TNR: variants seen among roughly 807,000 people sequenced by gnomAD.
TNR encodes the protein tenascin R.
TNR carries 45 observed loss-of-function variants against 150.4 expected under a neutral mutation model. The ratio of observed to expected loss-of-function variants is 0.30; its 90% confidence interval spans 0.24 to 0.38. The LOEUF is 0.38. TNR is among the 10% of genes least tolerant of loss of function. The pLI is 1.00. For synonymous variants in TNR, 687 were observed against 678.4 expected, an observed-to-expected ratio of 1.01 and a Z score of -0.20; for missense variants, 1,544 against 1,759.1, an observed-to-expected ratio of 0.88 and a Z score of 2.19.
At chr1:175,683,667 C>T (rs1273062473) in intron 1 of TNR, among the ~76,000 whole-genome samples, 1 of 151,984 alleles carries the variant, frequency 6.6e-6, no homozygotes, top group Non-Finnish European at 1.5e-5. Context: ...CACCTCAGCT[C>T]AAACACCTGC....
chr1:175,412,068 T>C (rs1456965457), intron 2 of TNR, among the ~76,000 whole-genome samples: 2 of 152,140 alleles, frequency 1.3e-5, no homozygotes, highest in African/African-American at 4.8e-5. Flanking sequence ...TATGGTGATT[T>C]TCCTGTGATG....
At chr1:175,415,391 T>C (rs1283712845) in intron 2 of TNR, among the ~76,000 whole-genome samples, 3 of 152,098 alleles carry the variant, frequency 2.0e-5, no homozygotes, top group African/African-American at 7.2e-5. Context: ...GGCAGAAAAC[T>C]CCCAGCAGAC....
intron 9 of TNR, among the ~76,000 whole-genome samples, chr1:175,370,564 T>G (rs1345228820): frequency 6.6e-6 from 1 of 151,970 alleles, no homozygotes; most frequent in Non-Finnish European, 1.5e-5. Flanking sequence ...CTAGATTGAG[T>G]GGGTGATTGC....
At chr1:175,451,161 TG>T (rs1486608215) in intron 2 of TNR, among the ~76,000 whole-genome samples, 10 of 151,792 alleles carry the variant, frequency 6.6e-5, no homozygotes, top group African/African-American at 1.9e-4. Context: ...TTGAGGAAAC[TG>T]AGGCCCAAAG....
At chr1:175,426,038 C>A (rs1302891780) in intron 2 of TNR, among the ~76,000 whole-genome samples, 1 of 152,148 alleles carries the variant, frequency 6.6e-6, no homozygotes, top group Non-Finnish European at 1.5e-5. Flanking sequence ...CTAAATCAAC[C>A]TGGAACTGGA....
At chr1:175,722,288 C>T (rs555356027) in intron 1 of TNR, among the ~76,000 whole-genome samples, 5 of 152,294 alleles carry the variant, frequency 3.3e-5, no homozygotes, top group African/African-American at 1.2e-4. Context: ...GGGTTTTCTG[C>T]CTCATGAATC....
chr1:175,423,373 G>T (rs1296769094), intron 2 of TNR, among the ~76,000 whole-genome samples: 1 of 152,124 alleles, frequency 6.6e-6, no homozygotes, highest in Non-Finnish European at 1.5e-5. Context: ...GAACTGAGCA[G>T]AATTGAGGAT....
At chr1:175,327,090 T>C (rs1230442167) in intron 21 of TNR, among the ~76,000 whole-genome samples, 1 of 152,186 alleles carries the variant, frequency 6.6e-6, no homozygotes. Flanking sequence ...AGTTCCTTGA[T>C]TATGCGGTCT....
chr1:175,584,167 A>C (rs1285557650), intron 1 of TNR, among the ~76,000 whole-genome samples: 5 of 152,204 alleles, frequency 3.3e-5, no homozygotes, highest in African/African-American at 4.8e-5. Context: ...AACAGAGGTA[A>C]CCCAATTAAA....
intron 1 of TNR, among the ~76,000 whole-genome samples, chr1:175,633,906 A>G (rs1025782296): frequency 3.3e-5 from 5 of 152,270 alleles, no homozygotes; most frequent in African/African-American, 1.2e-4. Flanking sequence ...TGGGCTCAAG[A>G]GTCAGACAAA....
At chr1:175,588,184 T>C (rs1213632162) in intron 1 of TNR, among the ~76,000 whole-genome samples, 1 of 152,214 alleles carries the variant, frequency 6.6e-6, no homozygotes, top group East Asian at 1.9e-4. Flanking sequence ...CCATAACCGC[T>C]TAATGGCAAC....
chr1:175,737,493 A>G (rs1254488366), intron 1 of TNR, among the ~76,000 whole-genome samples: 1 of 152,190 alleles, frequency 6.6e-6, no homozygotes, highest in Non-Finnish European at 1.5e-5. Context: ...TCCAGGGCCC[A>G]GGAATGTGAA....
rs1657301239 is a variant in TNR, at chr1:175,471,729, A to C, written c.-64+56540T>G. On this transcript the variant is annotated intron_variant, in intron 2 of 22. Transcript: ENST00000367674. ...ACTGCTGCAGGCTTTATCAACACTG[A>C]ATACTTAGGCCATACTAATTTTATT... 7.9e-5 allele frequency among the ~76,000 whole-genome samples: 12 copies of C among 152,284 alleles called. No homozygotes were observed. In the South Asian group the frequency reaches 2.5e-3, roughly 32 times the overall value.
At chr1:175,511,849 C>T (rs949898856) in intron 2 of TNR, among the ~76,000 whole-genome samples, 1 of 152,182 alleles carries the variant, frequency 6.6e-6, no homozygotes, top group East Asian at 1.9e-4. Flanking sequence ...TTTTGGAGCT[C>T]TCTCCTGGCA....
intron 2 of TNR, among the ~76,000 whole-genome samples, chr1:175,486,466 T>C (rs1331780848): frequency 6.6e-6 from 1 of 152,218 alleles, no homozygotes; most frequent in East Asian, 1.9e-4. Context: ...CATCCTTTTT[T>C]ATGGCTGCAT....
intron 2 of TNR, among the ~76,000 whole-genome samples, chr1:175,477,580 T>C (rs995555490): frequency 6.6e-6 from 1 of 152,206 alleles, no homozygotes; most frequent in African/African-American, 2.4e-5. Flanking sequence ...GTGCACCATC[T>C]AATGAAAATG....
chr1:175,719,093 T>TCTTTC (rs1343383080), intron 1 of TNR, among the ~76,000 whole-genome samples: 3 of 152,228 alleles, frequency 2.0e-5, no homozygotes, highest in African/African-American at 2.4e-5. Flanking sequence ...TATTTCTTTC[T>TCTTTC]CTTTCTCCTC....
At chr1:175,404,994 G>A (rs1238383034) in intron 3 of TNR, among the ~76,000 whole-genome samples, 2 of 152,162 alleles carry the variant, frequency 1.3e-5, no homozygotes, top group African/African-American at 4.8e-5. Flanking sequence ...AATGTGTCAG[G>A]TACCCCTCTA....
intron 2 of TNR, among the ~76,000 whole-genome samples, chr1:175,521,213 T>A (rs1286707940): frequency 6.6e-6 from 1 of 152,198 alleles, no homozygotes; most frequent in Admixed American, 6.5e-5. Context: ...TAATATATTG[T>A]CCTTACTTTA....
Sources: allele counts gnomAD v4.1 joint callset (sites outside exome capture counted in the v4.1 genomes callset), GRCh38; gene constraint gnomAD v4.1.1; transcripts MANE v1.5; gene names NCBI Gene and HGNC (gene_info 2026-07-23, HGNC 2026-07-21).